KLRD1: variants seen among roughly 807,000 people sequenced by gnomAD.
KLRD1 encodes the protein killer cell lectin like receptor D1.
KLRD1 carries 21 observed loss-of-function variants against 22.6 expected under a neutral mutation model. The observed-to-expected ratio is 0.93, with a 90% CI of 0.66 to 1.34. The LOEUF is 1.34. Ranked by LOEUF, KLRD1 falls within the 40% of genes most tolerant of loss-of-function variation. The pLI is 0.00. For missense variants in KLRD1, 183 were observed against 208.6 expected (o/e 0.88, Z 0.76); for synonymous variants, 59 against 71.1 (o/e 0.83, Z 0.85).
intron 1 of KLRD1, among the ~76,000 whole-genome samples, chr12:10,274,005 A>G (rs1277881377): frequency 6.6e-6 from 1 of 152,216 alleles, no homozygotes; most frequent in East Asian, 1.9e-4. Context: ...AATGTTGGCC[A>G]GGCATGGTGG....
chr12:10,254,360 G>A (rs1416859014), intron 1 of KLRD1, among the ~76,000 whole-genome samples: 6 of 149,652 alleles, frequency 4.0e-5, no homozygotes, highest in African/African-American at 1.2e-4. Context: ...CCCGGGAGGC[G>A]GAGCTTGCTT....
intron 1 of KLRD1, 79 bp from the exon 2 acceptor site, chr12:10,309,309 C>A: frequency 1.4e-6 from 1 of 725,392 alleles, no homozygotes; most frequent in Non-Finnish European, 2.5e-6. Flanking sequence ...GTGGATTCTC[C>A]GTCACTAGTT....
At chr12:10,261,132 T>C (rs1949450240) in intron 1 of KLRD1, among the ~76,000 whole-genome samples, 1 of 152,178 alleles carries the variant, frequency 6.6e-6, no homozygotes, top group Non-Finnish European at 1.5e-5. Context: ...ATGAGAGTAA[T>C]GCAATTGGAA....
chr12:10,309,956 A>G (rs539663659), intron 3 of KLRD1, among the ~76,000 whole-genome samples: 1 of 152,360 alleles, frequency 6.6e-6, no homozygotes, highest in South Asian at 2.1e-4. Flanking sequence ...ATAATTAAGT[A>G]ACAAAAAATA....
intron 1 of KLRD1, among the ~76,000 whole-genome samples, chr12:10,294,036 A>G (rs1441757383): frequency 6.6e-6 from 1 of 152,206 alleles, no homozygotes; most frequent in Non-Finnish European, 1.5e-5. Flanking sequence ...TCTCCTACTT[A>G]ATAAATGGTC....
At position 10,318,534 on chromosome 12, in the gene KLRD1, A is replaced by G. The variant is rs934196254; in HGVS notation, c.*3741A>G. 1 of 152,104 alleles carries G rather than the reference A, an allele frequency of 6.6e-6. No individual in the cohort carries two copies. The highest frequency in any genetic ancestry group is 1.5e-5 in the Non-Finnish European group (1 of 68,020). 9.4% of individuals were successfully genotyped at this position (152,104 alleles called of 1,614,324 possible). A position where few individuals can be genotyped will look rare whatever the true frequency, so the allele number is the denominator to read the frequency against. On this transcript the variant is annotated 3_prime_UTR_variant, in exon 6 of 6. Transcript: ENST00000336164. ...AATTCTCTTTCTCATACGGTATCAT[A>G]TTCCTTTCACTTATTAAAAAGTTTT...
chr12:10,270,874 C>T (rs1036965183), intron 1 of KLRD1, among the ~76,000 whole-genome samples: 2 of 151,682 alleles, frequency 1.3e-5, no homozygotes, highest in African/African-American at 2.4e-5. Context: ...ACCTCTGCCT[C>T]CCAGTTTCAA....
intron 1 of KLRD1, among the ~76,000 whole-genome samples, chr12:10,254,189 G>T (rs1358898009): frequency 6.6e-6 from 1 of 152,104 alleles, no homozygotes; most frequent in Non-Finnish European, 1.5e-5. Context: ...AGCACTTTGG[G>T]AGGCCGAGAC....
upstream of KLRD1, among the ~76,000 whole-genome samples, chr12:10,307,314 G>A (rs1032235401): frequency 2.0e-5 from 3 of 152,148 alleles, no homozygotes; most frequent in African/African-American, 7.2e-5. Flanking sequence ...TAAGGCTAAC[G>A]TGAATGAGGC....
intron 1 of KLRD1, among the ~76,000 whole-genome samples, chr12:10,270,099 TAATAA>T (rs1949536364): frequency 1.3e-5 from 2 of 152,172 alleles, no homozygotes; most frequent in Admixed American, 6.5e-5. Flanking sequence ...AATAACAATA[TAATAA>T]AATATAGAAT....
rs144921422 is a variant in KLRD1 at position 10,299,054 on chromosome 12, C to A, written c.-100-8924C>A. Among the ~76,000 whole-genome samples the A allele has an allele frequency of 2.9e-3, 449 of 152,272 alleles. 2 individuals are homozygous for A. Among genetic ancestry groups the A allele is most frequent in the Non-Finnish European group, 5.2e-3 (354 of 68,012 alleles). Reference sequence around the variant, plus strand: ...TGGTTCTCCTATTTTTATCAGATTTCTCTCTAATGGTATAGAAAGGTGCTT... The same window carrying A: ...TGGTTCTCCTATTTTTATCAGATTTATCTCTAATGGTATAGAAAGGTGCTT... On this transcript the variant is annotated intron_variant, in intron 1 of 5. Transcript: ENST00000544747.
chr12:10,271,831 G>A (rs1017735591), intron 1 of KLRD1, among the ~76,000 whole-genome samples: 5 of 141,346 alleles, frequency 3.5e-5, no homozygotes, highest in Admixed American at 1.3e-4. Flanking sequence ...ATTTTTTTTT[G>A]CTTTGTGAAA....
At chr12:10,306,912 C>T (rs1470926025), upstream of KLRD1, among the ~76,000 whole-genome samples, 7 of 152,124 alleles carry the variant, frequency 4.6e-5, no homozygotes, top group African/African-American at 1.2e-4. Flanking sequence ...AAGGGTTTAT[C>T]TATAGTAATA....
intron 1 of KLRD1, among the ~76,000 whole-genome samples, chr12:10,297,172 A>G (rs905590214): frequency 6.6e-6 from 1 of 152,240 alleles, no homozygotes; most frequent in Admixed American, 6.5e-5. Context: ...CGCAAGTTGT[A>G]AACTTGTGCT....
intron 1 of KLRD1, among the ~76,000 whole-genome samples, chr12:10,284,465 C>G (rs976991959): frequency 1.4e-4 from 21 of 152,124 alleles, no homozygotes; most frequent in African/African-American, 5.1e-4. Flanking sequence ...AACCAAATCT[C>G]TGTAAACAAA....
In KLRD1 at chr12:10,287,795, C is replaced by A. The variant is rs538821535; in HGVS notation, c.-100-20183C>A. ...CCTCTGTAAGAAAGATCAGGCCAGG[C>A]GCAGTGGCTCATGCCTGTAATCCCA... On this transcript the variant is annotated intron_variant, in intron 1 of 5. Transcript: ENST00000544747. Among the ~76,000 whole-genome samples, 524 of 152,176 alleles carry A rather than the reference C, an allele frequency of 3.4e-3. 4 individuals carry two copies. The highest frequency in any genetic ancestry group is 0.012 in the African/African-American group (495 of 41,522).
upstream of KLRD1, among the ~76,000 whole-genome samples, chr12:10,305,162 C>G (rs1387603699): frequency 6.6e-6 from 1 of 152,118 alleles, no homozygotes; most frequent in African/African-American, 2.4e-5. Context: ...GTTGACTTAG[C>G]TATTGAAGTC....
At chr12:10,265,085 A>G (rs1417782446) in intron 1 of KLRD1, among the ~76,000 whole-genome samples, 2 of 151,900 alleles carry the variant, frequency 1.3e-5, no homozygotes, top group Non-Finnish European at 2.9e-5. Flanking sequence ...ACATGCAAAC[A>G]CACACACACA....
intron 1 of KLRD1, among the ~76,000 whole-genome samples, chr12:10,272,654 G>A (rs929019476): frequency 6.6e-6 from 1 of 152,082 alleles, no homozygotes; most frequent in African/African-American, 2.4e-5. Context: ...ATGAGCACAG[G>A]GTCAGAATGA....
Sources: gnomAD v4.1 joint callset for allele counts (sites outside exome capture counted in the v4.1 genomes callset) on GRCh38, gnomAD v4.1.1 for gene constraint, MANE v1.5 for transcripts, NCBI Gene and HGNC (gene_info 2026-07-23, HGNC 2026-07-21) for gene names.